Variants in NDST1 observed in about 807,000 individuals in gnomAD.
NDST1 encodes the protein bifunctional heparan sulfate N-deacetylase/N-sulfotransferase 1.
Under a neutral mutation model 92.8 loss-of-function variants are expected in NDST1, and 35 were observed. That is an observed-to-expected ratio of 0.38 (90% CI 0.29 to 0.50). The LOEUF (loss-of-function observed/expected upper bound fraction) is 0.50, where lower values mean the gene tolerates loss of function less well. Among genes scored for constraint, NDST1 ranks in the 20% least tolerant of loss-of-function variants. NDST1 has a pLI of 0.94. For synonymous variants in NDST1, 493 were observed against 500.3 expected, an observed-to-expected ratio of 0.99 and a Z score of 0.19; for missense variants, 822 against 1,182.7, an observed-to-expected ratio of 0.69 and a Z score of 4.47.
chr5:150,538,563 G>A (rs1393313312), intron 6 of NDST1, among the ~76,000 whole-genome samples: 1 of 152,176 alleles, frequency 6.6e-6, no homozygotes, highest in African/African-American at 2.4e-5. Flanking sequence ...GAAGAGAGGA[G>A]TCCAAGATGA....
chr5:150,539,873 A>G lies in NDST1; in HGVS notation c.1567-209A>G, dbSNP rs530547571. The G allele has an allele frequency of 3.4e-5, 30 of 874,350 alleles. No homozygotes were observed. The South Asian group carries it at 1.4e-3, about 40-fold the overall frequency. 54.2% of individuals were successfully genotyped at this position (874,350 alleles called of 1,614,324 possible). On this transcript the variant is annotated intron_variant, in intron 7 of 14. Transcript: ENST00000261797. ...CCACATTGGGTCTGCTTTCCATTTC[A>G]GGATTGTAATATTTGGGGTCAGTCA...
chr5:150,541,491 G>A (rs1755245059), intron 8 of NDST1, 79 bp from the exon 9 acceptor site: 2 of 1,256,322 alleles, frequency 1.6e-6, no homozygotes, highest in East Asian at 2.3e-5. Context: ...GGGCTGTAAG[G>A]GCCACATATC....
intron 1 of NDST1, among the ~76,000 whole-genome samples, chr5:150,511,080 C>G (rs112423010): frequency 2.0e-5 from 3 of 152,190 alleles, no homozygotes; most frequent in African/African-American, 7.2e-5. Flanking sequence ...AAGTGACTGG[C>G]CTCTTTGGAC....
At chr5:150,532,334 A>T (rs1323962231) in intron 3 of NDST1, among the ~76,000 whole-genome samples, 1 of 152,194 alleles carries the variant, frequency 6.6e-6, no homozygotes, top group Non-Finnish European at 1.5e-5. Flanking sequence ...CAAGGCCTAG[A>T]GGAATGTGAA....
intron 1 of NDST1, among the ~76,000 whole-genome samples, chr5:150,512,036 C>T (rs1234257272): frequency 1.3e-5 from 2 of 151,940 alleles, no homozygotes; most frequent in African/African-American, 4.8e-5. Context: ...TGTGGGGCTA[C>T]CTGTTCCCCA....
Position 150,539,373 on chromosome 5 carries a change from C to T in NDST1, c.1566+17C>T. On this transcript the variant is annotated intron_variant, in intron 7 of 14. Transcript: ENST00000261797. ...CTCAATCCTGTGAGTGCTCCACAGCCCATGGCTGCTGGTGAGAAGGGGCTG... is the reference window on the plus strand; with the variant it reads ...CTCAATCCTGTGAGTGCTCCACAGCTCATGGCTGCTGGTGAGAAGGGGCTG... 6.2e-7 allele frequency: 1 copy of T among 1,613,858 alleles called. No homozygotes were observed. Among genetic ancestry groups the T allele is most frequent in the Non-Finnish European group, 8.5e-7 (1 of 1,179,936 alleles).
chr5:150,551,515 G>C (rs1755725440), intron 13 of NDST1, among the ~76,000 whole-genome samples: 1 of 152,230 alleles, frequency 6.6e-6, no homozygotes, highest in Non-Finnish European at 1.5e-5. Context: ...GGTCGGGCTG[G>C]AGGAGAGAAG....
At chr5:150,548,134 G>T in intron 11 of NDST1, 84 bp from the exon 12 acceptor site, 1 of 1,540,272 alleles carries the variant, frequency 6.5e-7, no homozygotes, top group Non-Finnish European at 8.9e-7. Flanking sequence ...GGATCTTCTG[G>T]CCACCTTGCG....
Position 150,528,195 on chromosome 5 carries a change from C to T in NDST1, c.905C>T (p.Thr302Met), listed in dbSNP as rs148852608. 104 of 1,614,096 alleles carry T rather than the reference C, an allele frequency of 6.4e-5. No individual in the cohort carries two copies. The highest frequency in any genetic ancestry group is 1.3e-4 in the Admixed American group (8 of 60,018). Reference protein sequence around the residue: ...LVFVDAVAFLTGKRLSLPLDR... With the variant: ...LVFVDAVAFLMGKRLSLPLDR... Reference sequence around the variant, plus strand: ...TTCGTGGATGCCGTGGCCTTCCTCACGGGGAAGCGCCTCTCCCTGCCATTG... The same window carrying T: ...TTCGTGGATGCCGTGGCCTTCCTCATGGGGAAGCGCCTCTCCCTGCCATTG... Residue 302 changes from threonine to methionine, a missense_variant, in exon 3 of 15, where the codon ACG becomes ATG. Thr to Met is a moderately conservative substitution (Grantham distance 81). Coordinates refer to ENST00000261797, the MANE Select transcript of NDST1 (RefSeq NM_001543.5).
At position 150,540,258 on chromosome 5, in the gene NDST1, C is replaced by G. The variant is rs559592745; in HGVS notation, c.1743C>G (p.Leu581=). Residue 581 remains leucine, a synonymous_variant, in exon 8 of 15, where the codon CTC becomes CTG. Coordinates refer to ENST00000261797, the MANE Select transcript of NDST1 (RefSeq NM_001543.5). ...FQIFSEEKDP[L]WQDPCEDKRH... ...TCTTCTCCGAGGAGAAGGACCCGCT[C>G]TGGCAGGTGGGGGGCTGGGCAGCCT... 27 of 1,604,740 alleles carry G rather than the reference C, an allele frequency of 1.7e-5. No individual in the cohort carries two copies. The South Asian group carries it at 2.5e-4, about 15-fold the overall frequency.
chr5:150,527,786 G>A lies in NDST1; in HGVS notation c.514-18G>A. On this transcript the variant is annotated intron_variant, in intron 2 of 14. Transcript: ENST00000261797. ...ATGTGACAGTTCTGTTCCCCTTCCT[G>A]CCCTCCATTGACTGCAGGCCAATGA... 3 of 1,612,592 alleles carry A rather than the reference G, an allele frequency of 1.9e-6. No homozygotes were observed. Among genetic ancestry groups the A allele is most frequent in the Non-Finnish European group, 1.7e-6 (2 of 1,180,016 alleles).
Position 150,540,266 on chromosome 5 carries a change from T to C in NDST1, c.1749+2T>C, listed in dbSNP as rs1299244796. On this transcript the variant is annotated splice_donor_variant, in intron 8 of 14. Transcript: ENST00000261797. LOFTEE classifies it high-confidence loss of function. The stretch of plus-strand genomic sequence containing the variant: ...GAGGAGAAGGACCCGCTCTGGCAGG[T>C]GGGGGGCTGGGCAGCCTGGGCAGGT... The C allele has an allele frequency of 6.3e-7, 1 of 1,599,482 alleles. No homozygotes were observed. Among genetic ancestry groups the C allele is most frequent in the Non-Finnish European group, 8.5e-7 (1 of 1,171,164 alleles).
chr5:150,548,451 G>T, intron 12 of NDST1, 63 bp downstream of exon 12: 2 of 1,570,082 alleles, frequency 1.3e-6, no homozygotes, highest in Non-Finnish European at 1.7e-6. Context: ...GGTTAGCGGA[G>T]AGCCTCCAAC....
chr5:150,513,611 G>T (rs1418021481), intron 1 of NDST1, among the ~76,000 whole-genome samples: 1 of 152,254 alleles, frequency 6.6e-6, no homozygotes, highest in Non-Finnish European at 1.5e-5. Context: ...CTGGCGCACA[G>T]TAGGCATGGT....
rs760333260 is a variant in NDST1, at chr5:150,549,762, A to C, written c.2401A>C (p.Thr801Pro). The C allele has an allele frequency of 1.9e-6, 3 of 1,611,676 alleles. No homozygotes were observed. Among genetic ancestry groups the C allele is most frequent in the African/African-American group, 2.7e-5 (2 of 74,850 alleles). The change falls in exon 13 of 15, where the codon ACC becomes CCC. Residue 801 changes from threonine (T) to proline (P), a missense_variant. By Grantham distance (38) the Thr-to-Pro change is conservative. Coordinates refer to ENST00000261797, the MANE Select transcript of NDST1 (RefSeq NM_001543.5). ...GCAGAAGTTCCTTGGGGTGACCAAC[A>C]CCATTGACTACCACAAAACCTTGGC... ...MVQKFLGVTN[T>P]IDYHKTLAFD...
upstream of NDST1, among the ~76,000 whole-genome samples, chr5:150,504,257 A>C (rs977256790): frequency 6.6e-6 from 1 of 152,194 alleles, no homozygotes; most frequent in African/African-American, 2.4e-5. Context: ...CCCAGGGCCC[A>C]GGAGTCTTCA....
Position 150,556,638 on chromosome 5 carries a change from A to G in NDST1, c.*3306A>G, listed in dbSNP as rs904471825. ...GTTTTCTCTGTCCTAATTTAAAAGT[A>G]CATTGCAAACATCATGAAACTTGAT... is the stretch of plus-strand genomic sequence containing the variant. On this transcript the variant is annotated 3_prime_UTR_variant, in exon 15 of 15. Transcript: ENST00000261797. 1.3e-5 allele frequency: 2 copies of G among 152,244 alleles called. No homozygotes were observed. Among genetic ancestry groups the G allele is most frequent in the Non-Finnish European group, 2.9e-5 (2 of 68,052 alleles). 9.4% of individuals were successfully genotyped at this position (152,244 alleles called of 1,614,324 possible).
chr5:150,540,069 TC>T lies in NDST1; in HGVS notation c.1567-9del. The T allele has an allele frequency of 6.2e-7, 1 of 1,614,024 alleles. No homozygotes were observed. ...GATGGGCCCTGCCTCTCTCCTCCCC[TC>T]CCCTGGAGCAGATCAGCATCTTCAT... On this transcript the variant is annotated splice_polypyrimidine_tract_variant and intron_variant, in intron 7 of 14. Coordinates refer to ENST00000261797, the MANE Select transcript of NDST1 (RefSeq NM_001543.5).
chr5:150,542,558 A>AGTGGTGAGGCAG (rs1195668458), intron 9 of NDST1, among the ~76,000 whole-genome samples: 1 of 152,226 alleles, frequency 6.6e-6, no homozygotes, highest in Non-Finnish European at 1.5e-5. Flanking sequence ...ACCAGAGTGC[A>AGTGGTGAGGCAG]GTGGTGAGGC....
Sources: gnomAD v4.1 joint callset for allele counts (sites outside exome capture counted in the v4.1 genomes callset) on GRCh38, gnomAD v4.1.1 for gene constraint, MANE v1.5 for transcripts, NCBI Gene and HGNC (gene_info 2026-07-23, HGNC 2026-07-21) for gene names.